Variants in DNAI4 observed in about 807,000 individuals in gnomAD.
DNAI4 encodes WD repeat domain 78.
In DNAI4, 85 loss-of-function variants were observed where a neutral mutation model predicts 105.8. That is an observed-to-expected ratio of 0.80 (90% CI 0.67 to 0.96). DNAI4 has a LOEUF of 0.96. Among genes scored for constraint, DNAI4 ranks in the 40% least tolerant of loss-of-function variants. The pLI is 0.00. For missense variants in DNAI4, 1,014 were observed against 1,005.6 expected, an observed-to-expected ratio of 1.01 and a Z score of -0.11; for synonymous variants, 352 against 331.5, an observed-to-expected ratio of 1.06 and a Z score of -0.67.
At chr1:66,871,012 C>A in intron 6 of DNAI4, 1 of 196,642 alleles carries the variant, frequency 5.1e-6, no homozygotes, top group Non-Finnish European at 1.0e-5. Context: ...AAAATTAAAC[C>A]AGTTAATACA....
intron 15 of DNAI4, among the ~76,000 whole-genome samples, chr1:66,825,533 C>T (rs1424993494): frequency 1.3e-5 from 2 of 152,140 alleles, no homozygotes; most frequent in Non-Finnish European, 2.9e-5. Context: ...ACCTCTGGAA[C>T]GTACAAGTAC....
intron 7 of DNAI4, among the ~76,000 whole-genome samples, chr1:66,849,192 G>A (rs1646342401): frequency 6.6e-6 from 1 of 152,192 alleles, no homozygotes; most frequent in Admixed American, 6.5e-5. Context: ...CAGCAGTAAT[G>A]AGAACAACCT....
chr1:66,852,860 C>T (rs996979330), intron 7 of DNAI4, among the ~76,000 whole-genome samples: 4 of 152,212 alleles, frequency 2.6e-5, no homozygotes, highest in Middle Eastern at 3.4e-3. Context: ...GAAAAAGATA[C>T]CTCCAGAGAG....
intron 7 of DNAI4, among the ~76,000 whole-genome samples, chr1:66,852,632 T>A (rs1019118549): frequency 3.3e-5 from 5 of 151,998 alleles, no homozygotes; most frequent in African/African-American, 1.2e-4. Context: ...ATCATATCAA[T>A]CAATGCAGAA....
chr1:66,870,587 TA>T (rs537268232), intron 6 of DNAI4, among the ~76,000 whole-genome samples: 23 of 148,872 alleles, frequency 1.5e-4, no homozygotes, highest in African/African-American at 5.4e-4. Context: ...CCCATCTCTA[TA>T]AAAATACAAA....
At chr1:66,820,554 A>C (rs145925215) in intron 16 of DNAI4, among the ~76,000 whole-genome samples, 41 of 152,144 alleles carry the variant, frequency 2.7e-4, no homozygotes, top group African/African-American at 9.9e-4. Flanking sequence ...TATAATGCAT[A>C]CATAAATTTA....
intron 5 of DNAI4, among the ~76,000 whole-genome samples, chr1:66,874,397 T>A (rs1204102214): frequency 1.3e-5 from 2 of 152,166 alleles, no homozygotes; most frequent in Non-Finnish European, 2.9e-5. Flanking sequence ...GCGGTTTGGC[T>A]ATTACTATAA....
chr1:66,888,488 T>C (rs1647329535), intron 4 of DNAI4, among the ~76,000 whole-genome samples: 1 of 152,052 alleles, frequency 6.6e-6, no homozygotes, highest in African/African-American at 2.4e-5. Context: ...AGGTCAGCAG[T>C]TCAAGACCAG....
At chr1:66,845,523 A>G (rs1202571407) in intron 8 of DNAI4, among the ~76,000 whole-genome samples, 1 of 152,206 alleles carries the variant, frequency 6.6e-6, no homozygotes, top group African/African-American at 2.4e-5. Flanking sequence ...CACAAGAAAA[A>G]TTAAAATATC....
chr1:66,852,862 T>C (rs572641), intron 7 of DNAI4, among the ~76,000 whole-genome samples: 151,173 of 152,270 alleles, frequency 0.99, 75,049 homozygotes, highest in Middle Eastern at 1. Flanking sequence ...AAAAGATACC[T>C]CCAGAGAGCT....
chr1:66,916,488 A>C (rs1252470409), intron 1 of DNAI4, among the ~76,000 whole-genome samples: 1 of 152,174 alleles, frequency 6.6e-6, no homozygotes, highest in Non-Finnish European at 1.5e-5. Flanking sequence ...AATCAAAATA[A>C]ACGGCATCCC....
intron 4 of DNAI4, 73 bp downstream of exon 4, chr1:66,891,081 G>A: frequency 8.7e-7 from 1 of 1,155,880 alleles, no homozygotes; most frequent in South Asian, 1.2e-5. Context: ...TTTATCTCAA[G>A]TATCCAACCA....
At position 66,891,014 on chromosome 1, in the gene DNAI4, G is replaced by C. The variant is rs990947200; in HGVS notation, c.643+140C>G. ...ACTTAAAAAAATAGATATTCCCCTG[G>C]TAATTCTCTTGAAGCGACTTCACAA... On this transcript the variant is annotated intron_variant, in intron 4 of 16. Coordinates refer to ENST00000371026, the MANE Select transcript of DNAI4 (RefSeq NM_024763.5). 4.2e-6 allele frequency: 3 copies of C among 715,022 alleles called. No homozygotes were observed. In the Admixed American group the frequency reaches 6.8e-5, roughly 16 times the overall value. 44.3% of individuals were successfully genotyped at this position (715,022 alleles called of 1,614,324 possible).
intron 16 of DNAI4, among the ~76,000 whole-genome samples, chr1:66,820,507 A>T (rs1170953633): frequency 1.3e-5 from 2 of 152,104 alleles, no homozygotes; most frequent in Non-Finnish European, 2.9e-5. Context: ...TAGGTGTGGG[A>T]CACAGGCAAT....
intron 16 of DNAI4, among the ~76,000 whole-genome samples, chr1:66,814,515 C>T (rs1296057314): frequency 2.6e-5 from 4 of 151,984 alleles, no homozygotes; most frequent in Non-Finnish European, 4.4e-5. Context: ...ACTACAGGCA[C>T]GTGCCACCAC....
chr1:66,825,966 G>A (rs1337950238), intron 15 of DNAI4, among the ~76,000 whole-genome samples: 1 of 152,022 alleles, frequency 6.6e-6, no homozygotes, highest in Non-Finnish European at 1.5e-5. Context: ...AACCATTAAC[G>A]TTTTTATTTC....
chr1:66,851,750 C>T lies in DNAI4; in HGVS notation c.1097-4072G>A, dbSNP rs77848462. Among the ~76,000 whole-genome samples the T allele has an allele frequency of 8.9e-3, 1,354 of 151,968 alleles. 9 individuals are homozygous for T. Among genetic ancestry groups the T allele is most frequent in the African/African-American group, 0.031 (1,280 of 41,504 alleles). ...ATTTAATAATGAAAACAAAACACAA[C>T]ATATCAAAATTTGTGGGATACAGAT... On this transcript the variant is annotated intron_variant, in intron 7 of 16. Coordinates refer to ENST00000371026, the MANE Select transcript of DNAI4 (RefSeq NM_024763.5).
At chr1:66,823,473 G>A (rs1645679391) in intron 15 of DNAI4, among the ~76,000 whole-genome samples, 1 of 149,572 alleles carries the variant, frequency 6.7e-6, no homozygotes. Flanking sequence ...AGATCCCTGA[G>A]GAATCGCCAC....
At chr1:66,849,301 C>A (rs1305887650) in intron 7 of DNAI4, among the ~76,000 whole-genome samples, 2 of 142,446 alleles carry the variant, frequency 1.4e-5, no homozygotes, top group African/African-American at 5.2e-5. Flanking sequence ...GAGCTCCTAT[C>A]ACTGCCCCAT....
Sources: allele counts gnomAD v4.1 joint callset (sites outside exome capture counted in the v4.1 genomes callset), GRCh38; gene constraint gnomAD v4.1.1; transcripts MANE v1.5; gene names NCBI Gene and HGNC (gene_info 2026-07-23, HGNC 2026-07-21).